The following CAMKMT variants were observed in gnomAD, a reference collection of about 807,000 sequenced individuals.
CAMKMT encodes CaM KMT.
Under a neutral mutation model 48.0 loss-of-function variants are expected in CAMKMT, and 53 were observed. That is an observed-to-expected ratio of 1.10 (90% CI 0.89 to 1.39). CAMKMT has a LOEUF of 1.39. CAMKMT is among the 40% of genes most tolerant of loss of function. The pLI, the probability that CAMKMT is intolerant of heterozygous loss-of-function variation, is 0.00. For synonymous variants in CAMKMT, 165 were observed against 152.3 expected, an observed-to-expected ratio of 1.08 and a Z score of -0.61; for missense variants, 428 against 402.7, an observed-to-expected ratio of 1.06 and a Z score of -0.54.
chr2:44,401,449 C>G (rs911536551), intron 3 of CAMKMT, among the ~76,000 whole-genome samples: 2 of 151,822 alleles, frequency 1.3e-5, no homozygotes, highest in African/African-American at 4.8e-5. Context: ...CTTAGCTATT[C>G]AAGAGGCTGA....
At chr2:44,715,450 G>A in intron 7 of CAMKMT, 97 bp downstream of exon 7, 1 of 854,312 alleles carries the variant, frequency 1.2e-6, no homozygotes, top group South Asian at 1.6e-5. Flanking sequence ...CATTTATTGA[G>A]CACCTGCTGT....
intron 3 of CAMKMT, among the ~76,000 whole-genome samples, chr2:44,523,969 GT>G (rs1256211899): frequency 6.6e-6 from 1 of 151,464 alleles, no homozygotes; most frequent in Non-Finnish European, 1.5e-5. Flanking sequence ...TAGAGATGGG[GT>G]TTCATCATGT....
chr2:44,760,678 G>A (rs1303763608), intron 9 of CAMKMT, among the ~76,000 whole-genome samples: 1 of 151,654 alleles, frequency 6.6e-6, no homozygotes, highest in Non-Finnish European at 1.5e-5. Context: ...AGGCTCTACT[G>A]TATGGGTAAC....
intron 3 of CAMKMT, among the ~76,000 whole-genome samples, chr2:44,604,621 A>G (rs1209727330): frequency 6.6e-6 from 1 of 151,668 alleles, no homozygotes; most frequent in Non-Finnish European, 1.5e-5. Context: ...AAATACACAT[A>G]GTAAAATAGT....
At chr2:44,469,358 T>TTG (rs1230525440) in intron 3 of CAMKMT, among the ~76,000 whole-genome samples, 1 of 151,920 alleles carries the variant, frequency 6.6e-6, no homozygotes, top group Admixed American at 6.6e-5. Flanking sequence ...TGATTTTTTT[T>TTG]TTGTTATAAA....
chr2:44,509,341 G>T (rs1670421630), intron 3 of CAMKMT, among the ~76,000 whole-genome samples: 2 of 151,828 alleles, frequency 1.3e-5, no homozygotes, highest in African/African-American at 2.4e-5. Context: ...TTGAGTCAGG[G>T]TCTCTCTTTG....
chr2:44,420,851 A>T (rs996880544), intron 3 of CAMKMT, among the ~76,000 whole-genome samples: 1 of 150,714 alleles, frequency 6.6e-6, no homozygotes, highest in Non-Finnish European at 1.5e-5. Flanking sequence ...CCCTTGGGTA[A>T]TTTTTTTTAA....
chr2:44,503,234 C>G, intron 3 of CAMKMT, among the ~76,000 whole-genome samples: 1 of 151,742 alleles, frequency 6.6e-6, no homozygotes, highest in Non-Finnish European at 1.5e-5. Context: ...CAGGTTTGGC[C>G]CAAAAGCAAA....
intron 3 of CAMKMT, among the ~76,000 whole-genome samples, chr2:44,518,268 C>T (rs189955207): frequency 7.2e-4 from 109 of 152,086 alleles, no homozygotes; most frequent in African/African-American, 2.5e-3. Context: ...AGGAAGGGGC[C>T]GTTATGGGTA....
At chr2:44,752,263 G>A (rs1192618011) in intron 8 of CAMKMT, among the ~76,000 whole-genome samples, 1 of 145,346 alleles carries the variant, frequency 6.9e-6, no homozygotes, top group Non-Finnish European at 1.5e-5. Flanking sequence ...TGCGGTTTTT[G>A]CCATTAAAGG....
chr2:44,629,433 C>CTTT (rs897761983), intron 3 of CAMKMT, among the ~76,000 whole-genome samples: 56 of 125,304 alleles, frequency 4.5e-4, no homozygotes, highest in Non-Finnish European at 6.1e-4. Context: ...TTCTTTCTTT[C>CTTT]TTTTTTTTTT....
intron 3 of CAMKMT, among the ~76,000 whole-genome samples, chr2:44,630,565 C>G (rs1672753691): frequency 6.6e-6 from 1 of 151,500 alleles, no homozygotes; most frequent in South Asian, 2.1e-4. Context: ...AAACAAACAA[C>G]CCCATCAAAA....
At chr2:44,708,451 T>C (rs1449957809) in intron 6 of CAMKMT, among the ~76,000 whole-genome samples, 2 of 151,890 alleles carry the variant, frequency 1.3e-5, no homozygotes, top group African/African-American at 4.8e-5. Flanking sequence ...GCACAGTAGC[T>C]AATATTGTTC....
intron 3 of CAMKMT, among the ~76,000 whole-genome samples, chr2:44,540,731 AC>A (rs1331475877): frequency 2.6e-5 from 4 of 152,234 alleles, no homozygotes; most frequent in African/African-American, 9.6e-5. Context: ...AGCCTGGGCA[AC>A]ACAGCAAGAC....
chr2:44,459,244 AC>A (rs1426808039), intron 3 of CAMKMT, among the ~76,000 whole-genome samples: 1 of 152,230 alleles, frequency 6.6e-6, no homozygotes, highest in Non-Finnish European at 1.5e-5. Flanking sequence ...AAACAGCTAC[AC>A]AAGCACTTTA....
In CAMKMT at chr2:44,703,721, T is replaced by C. The variant is rs1343982291; in HGVS notation, c.377-562T>C. ...TGAATCCAGGAGGCAGACTTTACAG[T>C]GAGCTGAGATCTCGCCACTGCACTC... On this transcript the variant is annotated intron_variant, in intron 3 of 10. Coordinates refer to ENST00000378494, the MANE Select transcript of CAMKMT (RefSeq NM_024766.5). Among the ~76,000 whole-genome samples, 3 of 138,394 alleles carry C rather than the reference T, an allele frequency of 2.2e-5. No individual in the cohort carries two copies. In the Admixed American group the frequency reaches 2.5e-4, roughly 11 times the overall value. The allele number at this position is 138,394 out of a possible 152,430, so 90.8% of individuals were successfully genotyped here.
At chr2:44,623,403 G>C (rs1169323154) in intron 3 of CAMKMT, among the ~76,000 whole-genome samples, 2 of 152,124 alleles carry the variant, frequency 1.3e-5, no homozygotes, top group Non-Finnish European at 1.5e-5. Context: ...ATTTGCCAAG[G>C]CTGATACAGA....
intron 3 of CAMKMT, among the ~76,000 whole-genome samples, chr2:44,622,135 G>A (rs1471468004): frequency 1.3e-5 from 2 of 152,146 alleles, no homozygotes; most frequent in African/African-American, 4.8e-5. Flanking sequence ...GTAGTGGTAA[G>A]GAATAATACA....
intron 3 of CAMKMT, among the ~76,000 whole-genome samples, chr2:44,413,535 C>G (rs1683354619): frequency 1.3e-5 from 2 of 151,754 alleles, no homozygotes; most frequent in Non-Finnish European, 2.9e-5. Flanking sequence ...GCCTATAATC[C>G]TAGCTTCTTG....
Sources: allele counts gnomAD v4.1 joint callset (sites outside exome capture counted in the v4.1 genomes callset), GRCh38; gene constraint gnomAD v4.1.1; transcripts MANE v1.5; gene names NCBI Gene and HGNC (gene_info 2026-07-23, HGNC 2026-07-21).